TAS2R1: variants seen among roughly 807,000 people sequenced by gnomAD.
The protein encoded by TAS2R1 is taste receptor type 2 member 1.
For missense variants in TAS2R1, 370 were observed against 353.4 expected (o/e 1.05, Z -0.38); for synonymous variants, 141 against 134.2 (o/e 1.05, Z -0.35).
the TAS2R1 span, among the ~76,000 whole-genome samples, chr5:9,738,200 T>C: frequency 2.6e-5 from 4 of 152,206 alleles, no homozygotes; most frequent in South Asian, 8.3e-4. Flanking sequence ...TCCCAGGAAA[T>C]TATACTTTTC....
At chr5:9,647,742 G>C (rs1345009019) in intron 2 of TAS2R1, among the ~76,000 whole-genome samples, 1 of 152,068 alleles carries the variant, frequency 6.6e-6, no homozygotes, top group Non-Finnish European at 1.5e-5. Context: ...TAATATAGAA[G>C]ATTCATTTTA....
chr5:9,896,113 G>T, the TAS2R1 span, among the ~76,000 whole-genome samples: 3 of 152,206 alleles, frequency 2.0e-5, no homozygotes, highest in Non-Finnish European at 4.4e-5. Flanking sequence ...TATGGATCCT[G>T]AGAGACCTGT....
the TAS2R1 span, among the ~76,000 whole-genome samples, chr5:9,813,103 C>T: frequency 2.6e-5 from 4 of 151,928 alleles, no homozygotes; most frequent in African/African-American, 7.3e-5. Flanking sequence ...TAAACAAGGA[C>T]CTTATCTAAT....
chr5:9,639,036 A>T (rs932140786), intron 2 of TAS2R1, among the ~76,000 whole-genome samples: 7 of 152,182 alleles, frequency 4.6e-5, no homozygotes, highest in Non-Finnish European at 8.8e-5. Flanking sequence ...TTTCAGACCT[A>T]GCCCCTCTCC....
chr5:9,749,740 AC>A, the TAS2R1 span, among the ~76,000 whole-genome samples: 4 of 152,244 alleles, frequency 2.6e-5, no homozygotes, highest in African/African-American at 9.6e-5. Context: ...TAAGTCAAGT[AC>A]AAAGAACAAC....
At chr5:9,701,742 T>C (rs1411961967) in intron 1 of TAS2R1, among the ~76,000 whole-genome samples, 1 of 152,246 alleles carries the variant, frequency 6.6e-6, no homozygotes, top group African/African-American at 2.4e-5. Context: ...GTTTTTCACA[T>C]GTTCTATATA....
At chr5:9,670,455 T>C (rs1228261831) in intron 1 of TAS2R1, among the ~76,000 whole-genome samples, 1 of 152,204 alleles carries the variant, frequency 6.6e-6, no homozygotes, top group Non-Finnish European at 1.5e-5. Flanking sequence ...CTTACTACTG[T>C]TTTCTGTATA....
At chr5:9,741,903 T>C in the TAS2R1 span, among the ~76,000 whole-genome samples, 1 of 152,280 alleles carries the variant, frequency 6.6e-6, no homozygotes, top group Non-Finnish European at 1.5e-5. Context: ...GACTGTTTTT[T>C]TTTAATACAT....
rs138331701 is a variant in TAS2R1 at position 9,695,350 on chromosome 5, T to A, written c.-242+16822A>T. Among the ~76,000 whole-genome samples the A allele has an allele frequency of 1.6e-4, 25 of 152,268 alleles. No homozygotes were observed. In the East Asian group the frequency reaches 3.1e-3, roughly 19 times the overall value. On this transcript the variant is annotated intron_variant, in intron 1 of 2. Transcript: ENST00000506620. ...ATTTATAATGAAACGAACAAAAAAA[T>A]CTTGGATGAAGTCCAAGTTACATTT...
chr5:9,632,223 A>G (rs985735359), upstream of TAS2R1, among the ~76,000 whole-genome samples: 14 of 152,374 alleles, frequency 9.2e-5, no homozygotes, highest in African/African-American at 3.1e-4. Flanking sequence ...ACTGTGGTCT[A>G]TTAAGTGTGC....
intron 1 of TAS2R1, among the ~76,000 whole-genome samples, chr5:9,682,539 A>G (rs756780369): frequency 5.3e-5 from 8 of 152,220 alleles, no homozygotes; most frequent in East Asian, 1.9e-4. Context: ...TGATGAAGAA[A>G]TAAATACTCC....
At chr5:9,689,927 T>A (rs1466364001) in intron 1 of TAS2R1, among the ~76,000 whole-genome samples, 1 of 152,200 alleles carries the variant, frequency 6.6e-6, no homozygotes, top group Non-Finnish European at 1.5e-5. Flanking sequence ...GGAGTCAGCA[T>A]CATTTCTATT....
chr5:9,864,032 A>G, the TAS2R1 span, among the ~76,000 whole-genome samples: 1 of 152,240 alleles, frequency 6.6e-6, no homozygotes. Context: ...AATTCTGAAC[A>G]CTACTCCTGC....
At chr5:9,658,232 ACT>A (rs1292106937) in intron 2 of TAS2R1, among the ~76,000 whole-genome samples, 1 of 152,176 alleles carries the variant, frequency 6.6e-6, no homozygotes, top group African/African-American at 2.4e-5. Flanking sequence ...AATTCTCACA[ACT>A]CTGTGAGGGA....
chr5:9,842,240 G>A, the TAS2R1 span, among the ~76,000 whole-genome samples: 1 of 149,162 alleles, frequency 6.7e-6, no homozygotes, highest in African/African-American at 2.5e-5. Context: ...TTAAAAAATA[G>A]TAAAGCCCCT....
chr5:9,728,416 G>T, the TAS2R1 span, among the ~76,000 whole-genome samples: 1 of 152,190 alleles, frequency 6.6e-6, no homozygotes, highest in African/African-American at 2.4e-5. Flanking sequence ...AAATTCAAGT[G>T]CTTTTAGACA....
chr5:9,897,184 C>T, the TAS2R1 span, among the ~76,000 whole-genome samples: 2 of 152,196 alleles, frequency 1.3e-5, no homozygotes, highest in Admixed American at 1.3e-4. Context: ...GGCACGGTGG[C>T]TCATGCCTAT....
chr5:9,660,085 G>A (rs575444400), intron 1 of TAS2R1: 40 of 138,054 alleles, frequency 2.9e-4, no homozygotes, highest in African/African-American at 3.4e-4. Flanking sequence ...TTGAGACAGC[G>A]TCTGGCTCTG....
At chr5:9,883,951 A>T in the TAS2R1 span, 4 of 152,202 alleles carry the variant, frequency 2.6e-5, no homozygotes, top group South Asian at 8.3e-4. Context: ...GTCCAGAGGC[A>T]CAGCACCTGC....
Sources: allele counts gnomAD v4.1 joint callset (sites outside exome capture counted in the v4.1 genomes callset), GRCh38; gene constraint gnomAD v4.1.1; transcripts MANE v1.5; gene names NCBI Gene and HGNC (gene_info 2026-07-23, HGNC 2026-07-21).